The following SASH1 variants were observed in gnomAD, a reference collection of about 807,000 sequenced individuals.
The protein encoded by SASH1 is SAM and SH3 domain containing 1, also known as SAM and SH3 domain-containing protein 1.
A neutral mutation model predicts 125.2 loss-of-function variants in SASH1; 44 were observed. That is an observed-to-expected ratio of 0.35 (90% CI 0.28 to 0.45). The LOEUF is 0.45. SASH1 is among the 20% of genes least tolerant of loss of function. SASH1 has a pLI of 1.00. For missense variants in SASH1, 1,426 were observed against 1,614.5 expected (o/e 0.88, Z 2.00); for synonymous variants, 639 against 649.1 (o/e 0.98, Z 0.24).
chr6:148,449,079 T>TTTTTCTTTTTTTTTTTCTTTTTTTTTTTC (rs1554258785), intron 4 of SASH1, among the ~76,000 whole-genome samples: 2 of 61,428 alleles, frequency 3.3e-5, no homozygotes, highest in African/African-American at 5.0e-5. Context: ...ATTTCATTTC[T>TTTTTCTTTTTTTTTTTCTTTTTTTTTTTC]TTTTTTTTTT....
At chr6:148,284,468 T>C (rs533347922) in intron 1 of SASH1, among the ~76,000 whole-genome samples, 1 of 152,352 alleles carries the variant, frequency 6.6e-6, no homozygotes, top group African/African-American at 2.4e-5. Flanking sequence ...CATTTTCTAC[T>C]GTATGAAAAT....
intron 1 of SASH1, among the ~76,000 whole-genome samples, chr6:148,273,116 T>C (rs1779103280): frequency 6.6e-6 from 1 of 151,854 alleles, no homozygotes. Flanking sequence ...AAAAATTAGC[T>C]GGGCATGGTG....
chr6:148,308,594 CCACGTTGGTGAG>C, intron 1 of SASH1, among the ~76,000 whole-genome samples: 1 of 151,494 alleles, frequency 6.6e-6, no homozygotes, highest in Non-Finnish European at 1.5e-5. Flanking sequence ...TAGGGTTTCA[CCACGTTGGTGAG>C]GCTGGTCTCG....
In SASH1 at chr6:148,390,401, A is replaced by C. The variant is rs1037538745; in HGVS notation, c.285+139A>C. 5 of 825,132 alleles carry C rather than the reference A, an allele frequency of 6.1e-6. No individual in the cohort carries two copies. The African/African-American group carries it at 8.7e-5, about 14-fold the overall frequency. The allele number at this position is 825,132 out of a possible 1,614,324, so 51.1% of individuals were successfully genotyped here. ...TGCACTAGTGTGGGGTAGAATGTTC[A>C]GGTCCCTAAAAGACTGGCCCAGTTC... On this transcript the variant is annotated intron_variant, in intron 2 of 19. Coordinates refer to ENST00000367467, the MANE Select transcript of SASH1 (RefSeq NM_015278.5).
the SASH1 span, among the ~76,000 whole-genome samples, chr6:148,216,003 G>A: frequency 4.7e-4 from 72 of 151,746 alleles, no homozygotes; most frequent in African/African-American, 1.6e-3. Context: ...GATTACAGGC[G>A]CCCGCCACCA....
chr6:148,463,463 G>A (rs992212804), intron 4 of SASH1, among the ~76,000 whole-genome samples: 5 of 152,120 alleles, frequency 3.3e-5, no homozygotes, highest in Non-Finnish European at 5.9e-5. Flanking sequence ...TTTGTAAAAC[G>A]GAGTTTAATA....
At chr6:148,501,051 C>T (rs1222814206) in intron 8 of SASH1, among the ~76,000 whole-genome samples, 2 of 151,804 alleles carry the variant, frequency 1.3e-5, no homozygotes, top group African/African-American at 4.8e-5. Flanking sequence ...TGTAGATCGT[C>T]AGTCTAGGAG....
intron 1 of SASH1, among the ~76,000 whole-genome samples, chr6:148,371,446 T>G (rs1302344732): frequency 1.3e-5 from 2 of 151,946 alleles, no homozygotes; most frequent in African/African-American, 4.8e-5. Flanking sequence ...TTTTGTATTT[T>G]TAGTAGAGAT....
Position 148,531,651 on chromosome 6 carries a change from G to C in SASH1, c.1554G>C (p.Gln518His). ...GTCTTCGCAGTTCTCTCAGTGGGCA[G>C]AGCTCCATGAGTAAGTCGAGTTTGT... is the stretch of plus-strand genomic sequence containing the variant. ...VESLRSSLSG[Q>H]SSMSGQTVST... Residue 518 changes from glutamine (Q) to histidine (H), a missense_variant, in exon 13 of 20, where the codon CAG (glutamine) becomes CAC (histidine). This residue lies in a region of SASH1 where 225 missense variants were observed against 344.5 expected (regional missense o/e 0.65). Transcript: ENST00000367467. The C allele has an allele frequency of 6.5e-7, 1 of 1,536,290 alleles. No individual in the cohort carries two copies. Among genetic ancestry groups the C allele is most frequent in the Non-Finnish European group, 8.7e-7 (1 of 1,142,952 alleles).
At chr6:148,235,624 T>G in the SASH1 span, among the ~76,000 whole-genome samples, 1 of 152,312 alleles carries the variant, frequency 6.6e-6, no homozygotes, top group Middle Eastern at 3.4e-3. Flanking sequence ...CACATATATT[T>G]TGATGAGTCA....
chr6:148,354,855 CG>C (rs2114679797), intron 1 of SASH1, among the ~76,000 whole-genome samples: 1 of 152,252 alleles, frequency 6.6e-6, no homozygotes, highest in Admixed American at 6.5e-5. Flanking sequence ...CTCTGCCTCC[CG>C]CGTTCAAGCA....
intron 16 of SASH1, among the ~76,000 whole-genome samples, chr6:148,538,391 C>T (rs578022732): frequency 1.3e-5 from 2 of 152,286 alleles, no homozygotes; most frequent in East Asian, 3.9e-4. Context: ...ACAAAGCCCT[C>T]ATTTTATAAG....
chr6:148,248,527 G>C, the SASH1 span, among the ~76,000 whole-genome samples: 1 of 152,104 alleles, frequency 6.6e-6, no homozygotes, highest in Non-Finnish European at 1.5e-5. Flanking sequence ...ATTTGTCAGG[G>C]GGTAGGTGGA....
intron 2 of SASH1, among the ~76,000 whole-genome samples, chr6:148,406,491 A>G (rs1379732461): frequency 1.3e-5 from 2 of 152,240 alleles, no homozygotes; most frequent in African/African-American, 4.8e-5. Flanking sequence ...ATCAGCACAC[A>G]GCAGAAAAGG....
At chr6:148,393,342 A>G (rs973483583) in intron 2 of SASH1, among the ~76,000 whole-genome samples, 9 of 151,826 alleles carry the variant, frequency 5.9e-5, no homozygotes, top group South Asian at 2.1e-4. Context: ...TTACAGGCGT[A>G]AGCCACCGCG....
At chr6:148,415,036 G>A (rs1031704622) in intron 2 of SASH1, among the ~76,000 whole-genome samples, 2 of 152,182 alleles carry the variant, frequency 1.3e-5, no homozygotes, top group African/African-American at 4.8e-5. Context: ...GCCTGACTGT[G>A]CATTTAATCA....
intron 1 of SASH1, among the ~76,000 whole-genome samples, chr6:148,360,760 A>G (rs1007862083): frequency 1.3e-5 from 2 of 152,154 alleles, no homozygotes; most frequent in African/African-American, 4.8e-5. Flanking sequence ...AGCATGGACT[A>G]TGTGTTAAAC....
intron 1 of SASH1, among the ~76,000 whole-genome samples, chr6:148,297,094 T>C (rs982823211): frequency 1.2e-4 from 19 of 152,292 alleles, no homozygotes; most frequent in African/African-American, 4.6e-4. Flanking sequence ...CCAGAAAACT[T>C]CTGGAAGAGC....
chr6:148,258,856 T>C, the SASH1 span, among the ~76,000 whole-genome samples: 2 of 152,160 alleles, frequency 1.3e-5, no homozygotes, highest in Non-Finnish European at 2.9e-5. Flanking sequence ...AAGTTGAATG[T>C]TTACCAGAAT....
Sources: allele counts gnomAD v4.1 joint callset (sites outside exome capture counted in the v4.1 genomes callset), GRCh38; gene constraint gnomAD v4.1.1; regional missense constraint gnomAD v4.1.1; transcripts MANE v1.5; gene names NCBI Gene and HGNC (gene_info 2026-07-23, HGNC 2026-07-21).